The following GSE1 variants were observed in gnomAD, a reference collection of about 807,000 sequenced individuals.
The protein encoded by GSE1 is genetic suppressor element 1.
A neutral mutation model predicts 112.6 loss-of-function variants in GSE1; 32 were observed. That is an observed-to-expected ratio of 0.28 (90% CI 0.21 to 0.38). The LOEUF is 0.38. Among genes scored for constraint, GSE1 ranks in the 10% least tolerant of loss-of-function variants. The pLI is 1.00. For missense variants in GSE1, 2,348 were observed against 1,699.2 expected, an observed-to-expected ratio of 1.38 and a Z score of -6.71; for synonymous variants, 1,115 against 735.6, an observed-to-expected ratio of 1.52 and a Z score of -8.35.
chr16:85,552,482 T>C (rs62050024), upstream of GSE1, among the ~76,000 whole-genome samples: 18 of 125,506 alleles, frequency 1.4e-4, 2 homozygotes, highest in African/African-American at 4.6e-4. Context: ...CAGGCGCCCG[T>C]CACCACGCCC....
upstream of GSE1, among the ~76,000 whole-genome samples, chr16:85,554,407 ATGGTGCAG>A (rs1229304957): frequency 6.6e-6 from 1 of 152,070 alleles, no homozygotes; most frequent in African/African-American, 2.4e-5. Context: ...TTTCGTTACT[ATGGTGCAG>A]CCGGGGCTTG....
At chr16:85,600,819 G>A (rs1309243326) in intron 1 of GSE1, among the ~76,000 whole-genome samples, 1 of 152,108 alleles carries the variant, frequency 6.6e-6, no homozygotes, top group Non-Finnish European at 1.5e-5. Context: ...ATCCTTTTTT[G>A]GCTGGGTTTA....
chr16:85,178,855 C>CGGTGAGGAGGGAGGTGCGGGG (rs2074522139), intron 1 of GSE1, among the ~76,000 whole-genome samples: 1 of 11,248 alleles, frequency 8.9e-5, no homozygotes, highest in Non-Finnish European at 1.6e-4. Flanking sequence ...GACTGAGGGA[C>CGGTGAGGAGGGAGGTGCGGGG]GGTGAGGAGG....
At position 85,514,063 on chromosome 16, in the gene GSE1, G is replaced by A. The variant is rs1455639907; in HGVS notation, c.2465-119851G>A. On this transcript the variant is annotated intron_variant, in intron 2 of 2. Coordinates refer to the GSE1 transcript ENST00000637419. The stretch of plus-strand genomic sequence containing the variant: ...GCTCCCCGGGTGATTCCAGGCTGAA[G>A]AAAGAGGGAGTCTCCCTTGGGTGCA... Among the ~76,000 whole-genome samples, 4 of 152,108 alleles carry A rather than the reference G, an allele frequency of 2.6e-5. No homozygotes were observed. In the South Asian group the frequency reaches 8.3e-4, roughly 32 times the overall value.
At chr16:85,188,279 C>T (rs74031716) in intron 1 of GSE1, among the ~76,000 whole-genome samples, 6,032 of 138,648 alleles carry the variant, frequency 0.044, 375 homozygotes, top group African/African-American at 0.15. Flanking sequence ...CGTCTGTCTG[C>T]GGGCCCTGTT....
chr16:85,490,849 G>A (rs1019571397), intron 2 of GSE1: 1 of 152,232 alleles, frequency 6.6e-6, no homozygotes, highest in African/African-American at 2.4e-5. Context: ...CCATTTCCAG[G>A]CTCAGTAAAT....
chr16:85,290,832 A>T (rs535257486), intron 1 of GSE1, among the ~76,000 whole-genome samples: 1 of 152,156 alleles, frequency 6.6e-6, no homozygotes, highest in East Asian at 1.9e-4. Context: ...CCTGCTCCTC[A>T]GCCTCACCAG....
At chr16:85,276,267 C>G (rs1008260211) in intron 1 of GSE1, among the ~76,000 whole-genome samples, 2 of 152,360 alleles carry the variant, frequency 1.3e-5, no homozygotes, top group South Asian at 4.1e-4. Flanking sequence ...GTTTGAGCAC[C>G]TGACTTGAAT....
intron 2 of GSE1, among the ~76,000 whole-genome samples, chr16:85,363,319 C>A (rs2047121859): frequency 6.6e-6 from 1 of 152,202 alleles, no homozygotes; most frequent in African/African-American, 2.4e-5. Flanking sequence ...GCTGATTGCC[C>A]CTTTGGGGCA....
intron 1 of GSE1, among the ~76,000 whole-genome samples, chr16:85,201,645 C>G (rs537293255): frequency 3.3e-5 from 5 of 150,964 alleles, no homozygotes; most frequent in Non-Finnish European, 1.5e-5. Context: ...GAGCAAGACT[C>G]CGTCTCAAAA....
intron 2 of GSE1, among the ~76,000 whole-genome samples, chr16:85,463,855 C>T (rs1418012119): frequency 1.3e-5 from 2 of 152,098 alleles, no homozygotes; most frequent in Non-Finnish European, 2.9e-5. Context: ...GTGAAGCTGG[C>T]GGTGGGCCAC....
intron 1 of GSE1, among the ~76,000 whole-genome samples, chr16:85,179,575 T>C (rs2143271958): frequency 6.6e-6 from 1 of 152,210 alleles, no homozygotes; most frequent in Non-Finnish European, 1.5e-5. Context: ...TGTTTTCCCG[T>C]TGGGGGTTTT....
chr16:85,641,112 G>T (rs962748030), intron 2 of GSE1, among the ~76,000 whole-genome samples: 1 of 152,208 alleles, frequency 6.6e-6, no homozygotes, highest in African/African-American at 2.4e-5. Context: ...GTGGACATAA[G>T]GGTGATTTTT....
chr16:85,480,005 C>T (rs1439374609), intron 2 of GSE1, among the ~76,000 whole-genome samples: 1 of 152,220 alleles, frequency 6.6e-6, no homozygotes, highest in East Asian at 1.9e-4. Flanking sequence ...CACACAGCGG[C>T]CATGATGCAC....
At chr16:85,494,443 A>G (rs927946440) in intron 2 of GSE1, among the ~76,000 whole-genome samples, 2 of 144,074 alleles carry the variant, frequency 1.4e-5, no homozygotes, top group Non-Finnish European at 3.0e-5. Context: ...CCATTTCCAA[A>G]TAAGGTCACC....
chr16:85,222,846 C>T (rs577587052), intron 1 of GSE1, among the ~76,000 whole-genome samples: 1 of 152,184 alleles, frequency 6.6e-6, no homozygotes, highest in African/African-American at 2.4e-5. Context: ...AAGTTTGGAT[C>T]CATGCGGAGC....
chr16:85,519,728 T>TCTCCATCACCTTCAC (rs2052113413), intron 2 of GSE1, among the ~76,000 whole-genome samples: 1 of 75,204 alleles, frequency 1.3e-5, no homozygotes, highest in African/African-American at 5.3e-5. Flanking sequence ...ATCATCACCA[T>TCTCCATCACCTTCAC]CACCATCACC....
At position 85,311,221 on chromosome 16, in the gene GSE1, C is replaced by T. The variant is rs2045835608; in HGVS notation, c.2284-46242C>T. On this transcript the variant is annotated intron_variant, in intron 1 of 2. Transcript: ENST00000637419. This position sits in a 1 kb window ranked among gnomAD's most constrained non-coding sequence, Gnocchi z 4.2. ...CCAGCAGAAGAGCTGAGACTTGAAT[C>T]CCATGGCACTGATGTGGGCACAAAG... Among the ~76,000 whole-genome samples, 1 of 152,170 alleles carries T rather than the reference C, an allele frequency of 6.6e-6. No homozygotes were observed.
chr16:85,520,221 G>A (rs765194617), intron 2 of GSE1, among the ~76,000 whole-genome samples: 1 of 152,014 alleles, frequency 6.6e-6, no homozygotes, highest in African/African-American at 2.4e-5. Context: ...TGAAAGGGGG[G>A]ACCCTTTAAC....
Sources: allele counts gnomAD v4.1 joint callset (sites outside exome capture counted in the v4.1 genomes callset), GRCh38; gene constraint gnomAD v4.1.1; non-coding constraint Gnocchi (gnomAD v3.1); transcripts MANE v1.5; gene names NCBI Gene and HGNC (gene_info 2026-07-23, HGNC 2026-07-21).